NOL4L: variants seen among roughly 807,000 people sequenced by gnomAD.
NOL4L encodes the protein nucleolar protein 4-like.
A neutral mutation model predicts 64.5 loss-of-function variants in NOL4L; 7 were observed. The observed-to-expected ratio is 0.11, with a 90% CI of 0.06 to 0.20. The LOEUF is 0.20. NOL4L is among the 10% of genes least tolerant of loss of function. The pLI, the probability that NOL4L is intolerant of heterozygous loss-of-function variation, is 1.00. For missense variants in NOL4L, 680 were observed against 967.1 expected (o/e 0.70, Z 3.94); for synonymous variants, 413 against 401.0 (o/e 1.03, Z -0.36).
At chr20:32,501,071 T>G (rs2016905237) in intron 4 of NOL4L, among the ~76,000 whole-genome samples, 1 of 152,126 alleles carries the variant, frequency 6.6e-6, no homozygotes, top group Non-Finnish European at 1.5e-5. Context: ...CCTTCCCAAG[T>G]GCACAGTGTG....
intron 4 of NOL4L, among the ~76,000 whole-genome samples, chr20:32,498,763 CA>C (rs1289092963): frequency 2.2e-5 from 1 of 45,466 alleles, no homozygotes; most frequent in Non-Finnish European, 3.8e-5. Flanking sequence ...GACCCTGTCT[CA>C]ATAAAAAAAA....
At chr20:32,493,113 C>A (rs2016532593) in intron 4 of NOL4L, among the ~76,000 whole-genome samples, 2 of 152,208 alleles carry the variant, frequency 1.3e-5, no homozygotes, top group South Asian at 4.1e-4. Flanking sequence ...CCATACAAGC[C>A]TTGGAAGGAG....
At chr20:32,480,427 G>T (rs897444028) in intron 4 of NOL4L, among the ~76,000 whole-genome samples, 1 of 152,290 alleles carries the variant, frequency 6.6e-6, no homozygotes, top group East Asian at 1.9e-4. Context: ...CAGCCCCCAG[G>T]CTTGTTCGAC....
intron 5 of NOL4L, 63 bp from the exon 6 acceptor site, chr20:32,456,458 G>T: frequency 7.2e-7 from 1 of 1,393,482 alleles, no homozygotes; most frequent in East Asian, 2.8e-5. Flanking sequence ...CAGCCACCTC[G>T]GAGTATCCCA....
chr20:32,508,400 G>A (rs1254014727), intron 4 of NOL4L, among the ~76,000 whole-genome samples: 1 of 152,242 alleles, frequency 6.6e-6, no homozygotes, highest in Non-Finnish European at 1.5e-5. Context: ...GGTGAGCCAT[G>A]TGATTTCATC....
chr20:32,476,193 G>A (rs2015381858), intron 4 of NOL4L, among the ~76,000 whole-genome samples: 2 of 104,682 alleles, frequency 1.9e-5, no homozygotes, highest in African/African-American at 7.5e-5. Flanking sequence ...TCACACACCC[G>A]GAGGGACACA....
At chr20:32,533,449 T>C (rs1362923503) in intron 1 of NOL4L, 3 of 152,226 alleles carry the variant, frequency 2.0e-5, no homozygotes, top group Admixed American at 2.0e-4. Flanking sequence ...TGAGAACTGC[T>C]GATCAGAATG....
chr20:32,533,936 C>T (rs998566970), intron 1 of NOL4L, among the ~76,000 whole-genome samples: 1 of 152,216 alleles, frequency 6.6e-6, no homozygotes, highest in Non-Finnish European at 1.5e-5. Context: ...TGTCTCCCCA[C>T]ATGAGCCAAT....
chr20:32,495,518 G>A (rs1401083582), intron 4 of NOL4L, among the ~76,000 whole-genome samples: 1 of 152,190 alleles, frequency 6.6e-6, no homozygotes, highest in African/African-American at 2.4e-5. Context: ...CCAGCAACAT[G>A]CCTGTCTGCT....
intron 4 of NOL4L, among the ~76,000 whole-genome samples, chr20:32,491,142 G>T (rs1438316386): frequency 6.6e-6 from 1 of 152,206 alleles, no homozygotes; most frequent in East Asian, 1.9e-4. Flanking sequence ...GAGCCTCCAG[G>T]CCAGCAGGGG....
Position 32,535,091 on chromosome 20 carries a change from A to G in NOL4L, c.322-7178T>C, listed in dbSNP as rs185910755. 3.5e-3 allele frequency among the ~76,000 whole-genome samples: 538 copies of G among 152,142 alleles called. 1 individual carries two copies. The highest frequency in any genetic ancestry group is 6.8e-3 in the Middle Eastern group (2 of 294). On this transcript the variant is annotated intron_variant, in intron 1 of 10. Coordinates refer to ENST00000621426, the MANE Select transcript of NOL4L (RefSeq NM_001256798.2). ...TAAACTAAGAGAACAAAAAGAAAAG[A>G]AAACCAGAATGAAGACCATCACCCA...
intron 4 of NOL4L, among the ~76,000 whole-genome samples, chr20:32,498,296 G>A (rs775949923): frequency 3.9e-5 from 6 of 152,044 alleles, no homozygotes; most frequent in Non-Finnish European, 7.4e-5. Context: ...GTGAGAATTT[G>A]GAAATTGTAG....
At chr20:32,541,915 G>A (rs1344560488) in intron 1 of NOL4L, among the ~76,000 whole-genome samples, 1 of 152,256 alleles carries the variant, frequency 6.6e-6, no homozygotes, top group Non-Finnish European at 1.5e-5. Flanking sequence ...GTTTGAGGCA[G>A]GCTCCATTTA....
In NOL4L at chr20:32,454,292, G is replaced by C. The variant is rs116671176; in HGVS notation, c.1120-531C>G. On this transcript the variant is annotated intron_variant, in intron 6 of 10. Coordinates refer to ENST00000621426, the MANE Select transcript of NOL4L (RefSeq NM_001256798.2). Reference sequence around the variant, plus strand: ...ACAGATGCGCTGGGCGAGGTAGCCAGCCAGGGCGACAGGTCCGTTCAGCAG... The same window carrying C: ...ACAGATGCGCTGGGCGAGGTAGCCACCCAGGGCGACAGGTCCGTTCAGCAG... 3.9e-3 allele frequency among the ~76,000 whole-genome samples: 597 copies of C among 152,354 alleles called. 1 individual carries two copies. The highest frequency in any genetic ancestry group is 0.014 in the African/African-American group (578 of 41,588).
intron 4 of NOL4L, chr20:32,483,583 G>A (rs1322676962): frequency 4.2e-6 from 4 of 956,652 alleles, no homozygotes; most frequent in Non-Finnish European, 4.9e-6. Flanking sequence ...CGGCGGCGCC[G>A]CGGCCCGGAG....
At chr20:32,513,565 T>C (rs1483960602) in intron 3 of NOL4L, among the ~76,000 whole-genome samples, 4 of 152,142 alleles carry the variant, frequency 2.6e-5, no homozygotes, top group African/African-American at 4.8e-5. Flanking sequence ...ATAATATCTT[T>C]AAAATGGAAC....
chr20:32,537,036 G>T, intron 1 of NOL4L: 1 of 983,226 alleles, frequency 1.0e-6, no homozygotes, highest in Non-Finnish European at 1.2e-6. Flanking sequence ...CCGCCAACCG[G>T]CTCCCGGCGC....
intron 4 of NOL4L, chr20:32,510,163 A>G: frequency 1.1e-5 from 4 of 368,314 alleles, no homozygotes; most frequent in South Asian, 8.1e-5. Context: ...GTTTTTGGAG[A>G]TGCAACCATC....
At chr20:32,485,978 G>C (rs1321514832) in intron 4 of NOL4L, among the ~76,000 whole-genome samples, 2 of 152,242 alleles carry the variant, frequency 1.3e-5, no homozygotes, top group African/African-American at 4.8e-5. Context: ...TACCGCCCAG[G>C]AGGGCAGAGC....
Sources: gnomAD v4.1 joint callset for allele counts (sites outside exome capture counted in the v4.1 genomes callset) on GRCh38, gnomAD v4.1.1 for gene constraint, MANE v1.5 for transcripts, NCBI Gene and HGNC (gene_info 2026-07-23, HGNC 2026-07-21) for gene names.